DNAH11: variants seen among roughly 807,000 people sequenced by gnomAD.
The protein encoded by DNAH11 is dynein axonemal heavy chain 11.
A neutral mutation model predicts 526.0 loss-of-function variants in DNAH11; 442 were observed. The observed-to-expected ratio is 0.84, with a 90% CI of 0.78 to 0.91. The LOEUF (loss-of-function observed/expected upper bound fraction) is 0.91. DNAH11 is among the 40% of genes least tolerant of loss of function. The pLI is 0.00. For missense variants in DNAH11, 6,989 were observed against 5,448.7 expected (o/e 1.28, Z -8.90); for synonymous variants, 2,461 against 1,935.9 (o/e 1.27, Z -7.12).
intron 39 of DNAH11, among the ~76,000 whole-genome samples, chr7:21,706,527 T>C (rs550039817): frequency 6.6e-6 from 1 of 152,302 alleles, no homozygotes; most frequent in South Asian, 2.1e-4. Flanking sequence ...AGATAACTGA[T>C]AGACCTGTAA....
chr7:21,881,965 C>T (rs1783938478), intron 75 of DNAH11, among the ~76,000 whole-genome samples: 1 of 152,110 alleles, frequency 6.6e-6, no homozygotes, highest in African/African-American at 2.4e-5. Context: ...ATACTTTGAG[C>T]ATATTTTGAC....
At chr7:21,761,319 A>G (rs1182399270) in intron 54 of DNAH11, among the ~76,000 whole-genome samples, 3 of 152,218 alleles carry the variant, frequency 2.0e-5, no homozygotes, top group Non-Finnish European at 2.9e-5. Context: ...AAGAATTACT[A>G]ATGAACAAGT....
At chr7:21,715,012 T>C (rs1016413466) in intron 42 of DNAH11, among the ~76,000 whole-genome samples, 1 of 152,242 alleles carries the variant, frequency 6.6e-6, no homozygotes, top group African/African-American at 2.4e-5. Flanking sequence ...TATTGTCTTC[T>C]GTCCCTGCAA....
Position 21,789,309 on chromosome 7 carries a change from T to C in DNAH11, c.9993T>C (p.Thr3331=). 1 of 1,575,388 alleles carries C rather than the reference T, an allele frequency of 6.3e-7. No individual in the cohort carries two copies. The highest frequency in any genetic ancestry group is 8.6e-7 in the Non-Finnish European group (1 of 1,159,974). ...AQANLELAAA[T]EKLEAIRKKL... is the part of the protein sequence containing the mutation. ...CAAACTTAGAACTGGCTGCAGCTACTGAAAAACTAGAGGCTATCAGGAAAA... is the reference window on the plus strand; with the variant it reads ...CAAACTTAGAACTGGCTGCAGCTACCGAAAAACTAGAGGCTATCAGGAAAA... The change falls in exon 61 of 82, where the codon ACT becomes ACC. Residue 3331 remains threonine (T), a synonymous_variant. Coordinates refer to ENST00000409508, the MANE Select transcript of DNAH11 (RefSeq NM_001277115.2).
intron 18 of DNAH11, 61 bp downstream of exon 18, chr7:21,601,679 A>G: frequency 8.0e-7 from 1 of 1,253,132 alleles, no homozygotes; most frequent in Non-Finnish European, 1.1e-6. Flanking sequence ...TTATTAAAGT[A>G]CTTTACATGT....
chr7:21,608,153 G>A (rs4722039), intron 20 of DNAH11, among the ~76,000 whole-genome samples: 1 of 151,190 alleles, frequency 6.6e-6, no homozygotes, highest in African/African-American at 2.4e-5. Flanking sequence ...TCTTAACCCT[G>A]GACATGAAGA....
intron 65 of DNAH11, among the ~76,000 whole-genome samples, chr7:21,823,818 T>A (rs964393904): frequency 1.8e-4 from 28 of 152,226 alleles, no homozygotes; most frequent in African/African-American, 6.8e-4. Context: ...AATGTGTTAC[T>A]GAGTTGACAA....
chr7:21,665,222 T>C (rs1174900513), intron 30 of DNAH11, among the ~76,000 whole-genome samples: 1 of 152,112 alleles, frequency 6.6e-6, no homozygotes, highest in African/African-American at 2.4e-5. Context: ...AGATATGTTC[T>C]GTTTTATTTC....
chr7:21,610,196 G>C (rs1976887), intron 20 of DNAH11, among the ~76,000 whole-genome samples: 4 of 151,994 alleles, frequency 2.6e-5, no homozygotes, highest in African/African-American at 9.7e-5. Flanking sequence ...GTAGCTTGCA[G>C]TGAGCCGAGA....
intron 51 of DNAH11, among the ~76,000 whole-genome samples, chr7:21,746,295 A>C (rs1291438609): frequency 6.6e-6 from 1 of 152,196 alleles, no homozygotes; most frequent in Non-Finnish European, 1.5e-5. Context: ...CAGAAAAAGA[A>C]AAAAGAAATC....
rs1366317804 is a variant in DNAH11 at position 21,683,806 on chromosome 7, C to T, written c.5483C>T (p.Thr1828Ile). ...TAGGTTGTCAGTCCCCAAGCTTTTA[C>T]ATGGCTGTCTCAACTTCGTCACCGA... ...SQKVVSPQAF[T>I]WLSQLRHRWE... is the part of the protein sequence containing the mutation. The change falls in exon 32 of 82, where the codon ACA (threonine) becomes ATA (isoleucine). Residue 1828 changes from threonine to isoleucine, a missense_variant. Physicochemically the swap from Thr to Ile is moderately conservative, Grantham distance 89. Transcript: ENST00000409508. The T allele has an allele frequency of 1.3e-5, 21 of 1,609,844 alleles. No homozygotes were observed. In the East Asian group the frequency reaches 4.7e-4, roughly 36 times the overall value.
intron 35 of DNAH11, among the ~76,000 whole-genome samples, chr7:21,692,176 T>A (rs2128475342): frequency 6.6e-6 from 1 of 152,324 alleles, no homozygotes; most frequent in Non-Finnish European, 1.5e-5. Context: ...GAAAGAGAGA[T>A]CAGGTTTAGA....
intron 54 of DNAH11, among the ~76,000 whole-genome samples, chr7:21,763,069 T>A (rs184878109): frequency 6.6e-6 from 1 of 152,132 alleles, no homozygotes; most frequent in East Asian, 1.9e-4. Context: ...CAAGGCCAGG[T>A]GCGGTGGCTC....
intron 25 of DNAH11, among the ~76,000 whole-genome samples, chr7:21,625,691 T>C (rs570416946): frequency 1.3e-5 from 2 of 152,270 alleles, no homozygotes; most frequent in South Asian, 4.1e-4. Context: ...TTTTAGTATG[T>C]TGTGTTTCTG....
intron 25 of DNAH11, among the ~76,000 whole-genome samples, chr7:21,631,374 C>G (rs1744960716): frequency 6.6e-6 from 1 of 152,148 alleles, no homozygotes. Context: ...TCCCAACAGT[C>G]CCCGAAAGTC....
chr7:21,807,745 C>T, intron 62 of DNAH11, 138 bp from the exon 63 acceptor site: 1 of 690,024 alleles, frequency 1.4e-6, no homozygotes, highest in Non-Finnish European at 2.2e-6. Context: ...ATAACAGTCA[C>T]ACCAACCCGT....
intron 66 of DNAH11, among the ~76,000 whole-genome samples, chr7:21,846,750 T>C (rs2128019632): frequency 6.6e-6 from 1 of 152,280 alleles, no homozygotes; most frequent in East Asian, 1.9e-4. Context: ...ATGTTCCCTC[T>C]GCTTCTATTT....
At chr7:21,878,330 G>A (rs1783794840) in intron 74 of DNAH11, among the ~76,000 whole-genome samples, 1 of 152,162 alleles carries the variant, frequency 6.6e-6, no homozygotes, top group South Asian at 2.1e-4. Context: ...ACAGATTGAA[G>A]TAATGTACTT....
At chr7:21,727,185 G>A (rs1334591688) in intron 45 of DNAH11, among the ~76,000 whole-genome samples, 3 of 151,582 alleles carry the variant, frequency 2.0e-5, no homozygotes, top group Non-Finnish European at 2.9e-5. Flanking sequence ...CGCCCACCTC[G>A]GCCTCCCAGA....
Sources: gnomAD v4.1 joint callset for allele counts (sites outside exome capture counted in the v4.1 genomes callset) on GRCh38, gnomAD v4.1.1 for gene constraint, MANE v1.5 for transcripts, NCBI Gene and HGNC (gene_info 2026-07-23, HGNC 2026-07-21) for gene names.